SUGCT: variants seen among roughly 807,000 people sequenced by gnomAD.
The protein encoded by SUGCT is succinyl-CoA:glutarate-CoA transferase.
In SUGCT, 41 loss-of-function variants were observed where a neutral mutation model predicts 55.0. The ratio of observed to expected loss-of-function variants is 0.74; its 90% CI spans 0.58 to 0.97. SUGCT has a LOEUF of 0.97. Among genes scored for constraint, SUGCT ranks in the 50% least tolerant of loss-of-function variants. The pLI, the probability that SUGCT is intolerant of heterozygous loss-of-function variation, is 0.00. For synonymous variants in SUGCT, 187 were observed against 200.4 expected (o/e 0.93, Z 0.56); for missense variants, 568 against 547.8 (o/e 1.04, Z -0.37).
intron 13 of SUGCT, among the ~76,000 whole-genome samples, chr7:40,806,210 G>A (rs1235205904): frequency 2.6e-5 from 4 of 152,124 alleles, no homozygotes; most frequent in African/African-American, 9.7e-5. Flanking sequence ...TAACGTTGGT[G>A]GAGTTTTGTT....
intron 9 of SUGCT, among the ~76,000 whole-genome samples, chr7:40,337,118 T>A (rs1279408284): frequency 6.6e-6 from 1 of 152,192 alleles, no homozygotes; most frequent in Admixed American, 6.5e-5. Context: ...GAGAGACAGT[T>A]TGTTATAATT....
rs201517386 is a variant in SUGCT at position 40,272,666 on chromosome 7, T to TA, written c.577-1847_577-1846insA. On this transcript the variant is annotated intron_variant, in intron 7 of 13. Coordinates refer to ENST00000335693, the MANE Select transcript of SUGCT (RefSeq NM_001193313.2). ...GTATTATTATTATTATTATTATTAT[T>TA]TTTTTTTTTTTGAGATGGAGTCTTG... Among the ~76,000 whole-genome samples, 230 of 132,878 alleles carry TA rather than the reference T, an allele frequency of 1.7e-3. 1 individual carries two copies. Among genetic ancestry groups the TA allele is most frequent in the South Asian group, 5.8e-3 (23 of 3,962 alleles). The allele number at this position is 132,878 out of a possible 152,430, so 87.2% of individuals were successfully genotyped here.
At chr7:40,981,760 G>GAA in the SUGCT span, among the ~76,000 whole-genome samples, 14 of 152,278 alleles carry the variant, frequency 9.2e-5, no homozygotes, top group East Asian at 9.6e-4. Flanking sequence ...AAGGTTCTTT[G>GAA]CCATTTTATG....
intron 9 of SUGCT, among the ~76,000 whole-genome samples, chr7:40,405,026 T>C (rs925672575): frequency 6.6e-6 from 1 of 152,182 alleles, no homozygotes; most frequent in African/African-American, 2.4e-5. Flanking sequence ...TTTTCAATTT[T>C]TAGGCCTCTT....
At chr7:40,231,392 A>G (rs1391234726) in intron 6 of SUGCT, among the ~76,000 whole-genome samples, 4 of 152,230 alleles carry the variant, frequency 2.6e-5, no homozygotes, top group Non-Finnish European at 4.4e-5. Context: ...ATTCTAGAGG[A>G]GAGAGATATC....
intron 13 of SUGCT, among the ~76,000 whole-genome samples, chr7:40,759,343 A>C (rs564063590): frequency 6.6e-6 from 1 of 152,192 alleles, no homozygotes; most frequent in African/African-American, 2.4e-5. Context: ...GGAGCATTCA[A>C]ATTTGAGAGG....
At chr7:40,846,475 T>A (rs1321898423) in intron 13 of SUGCT, among the ~76,000 whole-genome samples, 1 of 152,082 alleles carries the variant, frequency 6.6e-6, no homozygotes, top group Non-Finnish European at 1.5e-5. Context: ...GGAGACAGCA[T>A]GTTTACTAAT....
chr7:40,806,351 T>C (rs1054257727), intron 13 of SUGCT, among the ~76,000 whole-genome samples: 1 of 152,178 alleles, frequency 6.6e-6, no homozygotes, highest in Non-Finnish European at 1.5e-5. Context: ...TTCATATTTA[T>C]ATGAATGTTT....
At chr7:40,679,719 G>C (rs536041865) in intron 12 of SUGCT, among the ~76,000 whole-genome samples, 1 of 152,294 alleles carries the variant, frequency 6.6e-6, no homozygotes, top group Non-Finnish European at 1.5e-5. Context: ...CCCACATGTA[G>C]AAGGTAGAGT....
chr7:40,416,834 A>G (rs1787028851), intron 9 of SUGCT, among the ~76,000 whole-genome samples: 1 of 152,006 alleles, frequency 6.6e-6, no homozygotes. Context: ...AATTTCACTG[A>G]AATTATGCAT....
At chr7:40,952,836 G>A in the SUGCT span, among the ~76,000 whole-genome samples, 2 of 152,148 alleles carry the variant, frequency 1.3e-5, no homozygotes, top group Non-Finnish European at 2.9e-5. Flanking sequence ...TTAGTCTGAT[G>A]GGCTTCCCTT....
At chr7:41,021,728 A>G in the SUGCT span, among the ~76,000 whole-genome samples, 1 of 152,190 alleles carries the variant, frequency 6.6e-6, no homozygotes. Context: ...AAGGCATGAC[A>G]CTGTGTGTAA....
chr7:40,270,764 C>G (rs1480937746), intron 7 of SUGCT, among the ~76,000 whole-genome samples: 2 of 151,930 alleles, frequency 1.3e-5, no homozygotes, highest in Non-Finnish European at 2.9e-5. Flanking sequence ...GTAGAATTGC[C>G]TTGAATATGC....
At chr7:41,012,204 C>A in the SUGCT span, among the ~76,000 whole-genome samples, 1 of 152,166 alleles carries the variant, frequency 6.6e-6, no homozygotes, top group Non-Finnish European at 1.5e-5. Flanking sequence ...TCTCCCTCCC[C>A]CTGTGTCTTT....
chr7:40,594,420 C>T lies in SUGCT; in HGVS notation c.1089+98034C>T, dbSNP rs113892627. On this transcript the variant is annotated intron_variant, in intron 12 of 13. Coordinates refer to ENST00000335693, the MANE Select transcript of SUGCT (RefSeq NM_001193313.2). ...CTCTACCATAATTATGAAATGTGAT[C>T]GCCCTTCCTTTTCATATCCAGTTAT... 1.8e-3 allele frequency among the ~76,000 whole-genome samples: 267 copies of T among 151,918 alleles called. 1 individual carries two copies. Among genetic ancestry groups the T allele is most frequent in the Admixed American group, 3.1e-3 (47 of 15,272 alleles).
At chr7:40,475,723 C>T (rs1341335069) in intron 11 of SUGCT, among the ~76,000 whole-genome samples, 4 of 152,072 alleles carry the variant, frequency 2.6e-5, no homozygotes, top group Non-Finnish European at 5.9e-5. Flanking sequence ...TAAAACGAGG[C>T]AATATGAGGC....
the SUGCT span, among the ~76,000 whole-genome samples, chr7:40,996,508 C>T: frequency 2.6e-5 from 4 of 152,314 alleles, no homozygotes; most frequent in East Asian, 7.7e-4. Context: ...CCTCTGCCTA[C>T]TGAAGGCTGA....
chr7:40,640,822 G>A (rs1362558195), intron 12 of SUGCT, among the ~76,000 whole-genome samples: 1 of 152,186 alleles, frequency 6.6e-6, no homozygotes, highest in Non-Finnish European at 1.5e-5. Flanking sequence ...TAGGTCCTTT[G>A]CCAAATGAAG....
intron 12 of SUGCT, among the ~76,000 whole-genome samples, chr7:40,647,305 C>A (rs1012635840): frequency 6.6e-6 from 1 of 152,130 alleles, no homozygotes; most frequent in East Asian, 1.9e-4. Flanking sequence ...GACTACTATG[C>A]CTTGTTTGTC....
Sources: allele counts gnomAD v4.1 joint callset (sites outside exome capture counted in the v4.1 genomes callset), GRCh38; gene constraint gnomAD v4.1.1; transcripts MANE v1.5; gene names NCBI Gene and HGNC (gene_info 2026-07-23, HGNC 2026-07-21).